B3GNT2: variants seen among roughly 807,000 people sequenced by gnomAD.
B3GNT2 encodes N-acetyllactosaminide beta-1,3-N-acetylglucosaminyltransferase 2.
Under a neutral mutation model 27.6 loss-of-function variants are expected in B3GNT2, and 12 were observed. That is an observed-to-expected ratio of 0.44 (90% CI 0.28 to 0.71). The LOEUF is 0.71. Ranked by LOEUF, B3GNT2 falls within the 30% of genes least tolerant of loss-of-function variation. The pLI is 0.17. For synonymous variants in B3GNT2, 192 were observed against 189.7 expected (o/e 1.01, Z -0.10); for missense variants, 413 against 488.5 (o/e 0.85, Z 1.46).
chr2:62,204,490 A>G (rs539523208), intron 1 of B3GNT2, among the ~76,000 whole-genome samples: 2 of 152,208 alleles, frequency 1.3e-5, no homozygotes, highest in Non-Finnish European at 2.9e-5. Flanking sequence ...TTCAGATTCA[A>G]ATATATTTGT....
intron 1 of B3GNT2, among the ~76,000 whole-genome samples, chr2:62,213,179 G>C (rs1163126997): frequency 6.6e-6 from 1 of 152,112 alleles, no homozygotes; most frequent in Non-Finnish European, 1.5e-5. Flanking sequence ...TGGGTGTGGT[G>C]GCACATCCCA....
rs534887207 is a variant in B3GNT2, at chr2:62,203,333, C to T, written c.-10+6978C>T. On this transcript the variant is annotated intron_variant, in intron 1 of 1. Transcript: ENST00000301998. ...GGAGGTTAGGAGAAGGGCCATGACA[C>T]AGGTATATTGGGGCATTTTTTAGCA... is the stretch of plus-strand genomic sequence containing the variant. Among the ~76,000 whole-genome samples, 8 of 152,198 alleles carry T rather than the reference C, an allele frequency of 5.3e-5. No individual in the cohort carries two copies. The South Asian group carries it at 1.7e-3, about 32-fold the overall frequency.
At chr2:62,209,529 C>G (rs978604327) in intron 1 of B3GNT2, among the ~76,000 whole-genome samples, 4 of 152,164 alleles carry the variant, frequency 2.6e-5, no homozygotes, top group Non-Finnish European at 5.9e-5. Context: ...GTAGTCCCAG[C>G]TACAAGCTGG....
Position 62,223,494 on chromosome 2 carries a change from C to A in B3GNT2, c.*80C>A, listed in dbSNP as rs1010695162. The A allele has an allele frequency of 1.6e-6, 2 of 1,259,642 alleles. No individual in the cohort carries two copies. Among genetic ancestry groups the A allele is most frequent in the African/African-American group, 3.0e-5 (2 of 65,960 alleles). 78.0% of individuals were successfully genotyped at this position (1,259,642 alleles called of 1,614,324 possible). A position where few individuals can be genotyped will look rare whatever the true frequency, so the allele number is the denominator to read the frequency against. On this transcript the variant is annotated 3_prime_UTR_variant, in exon 2 of 2. Coordinates refer to ENST00000301998, the MANE Select transcript of B3GNT2 (RefSeq NM_006577.6). ...TTGTGTTCTCACATTAGAGTAATTT[C>A]TATATTAAACCATGAAAATTGCCTT...
At position 62,218,952 on chromosome 2, in the gene B3GNT2, G is replaced by A. The variant is rs1221471959; in HGVS notation, c.-9-3260G>A. ...AAAAGGCTGAATTGTAGCAGATGAA[G>A]TTGGAAATCTTGCCAGGGGTCAGCA... On this transcript the variant is annotated intron_variant, in intron 1 of 1. Coordinates refer to ENST00000301998, the MANE Select transcript of B3GNT2 (RefSeq NM_006577.6). Among the ~76,000 whole-genome samples the A allele has an allele frequency of 2.6e-5, 4 of 152,218 alleles. 1 individual carries two copies. The highest frequency in any genetic ancestry group is 2.6e-4 in the Admixed American group (4 of 15,288).
rs537421463 is a variant in B3GNT2, at chr2:62,216,653, C to T, written c.-9-5559C>T. On this transcript the variant is annotated intron_variant, in intron 1 of 1. Transcript: ENST00000301998. ...TCCTGGGCTCAAGCAATCCTCTCACCCTGGCTTCCTAAAGTGTTGGGGTTA... is the reference window on the plus strand; with the variant it reads ...TCCTGGGCTCAAGCAATCCTCTCACTCTGGCTTCCTAAAGTGTTGGGGTTA... Among the ~76,000 whole-genome samples, 327 of 152,214 alleles carry T rather than the reference C, an allele frequency of 2.1e-3. 3 individuals carry two copies. The highest frequency in any genetic ancestry group is 7.5e-3 in the African/African-American group (312 of 41,512).
intron 1 of B3GNT2, among the ~76,000 whole-genome samples, chr2:62,216,704 C>T (rs1237099514): frequency 2.0e-5 from 3 of 152,130 alleles, no homozygotes; most frequent in Non-Finnish European, 1.5e-5. Flanking sequence ...GCACCCAGCC[C>T]ATAGCTTCCG....
rs1299184158 is a variant in B3GNT2 at position 62,224,692 on chromosome 2, G to A, written c.*1278G>A. The A allele has an allele frequency of 6.0e-6, 1 of 166,960 alleles. No individual in the cohort carries two copies. Among genetic ancestry groups the A allele is most frequent in the East Asian group, 1.9e-4 (1 of 5,202 alleles). The allele number at this position is 166,960 out of a possible 1,614,324, so 10.3% of individuals were successfully genotyped here. A position where few individuals can be genotyped will look rare whatever the true frequency, so the allele number is the denominator to read the frequency against. ...AAGGTTCTTATCAGATGGGATACTG[G>A]GGACTATAAACAATGGAAATAAAGC... On this transcript the variant is annotated 3_prime_UTR_variant, in exon 2 of 2. Transcript: ENST00000301998.
At position 62,222,907 on chromosome 2, in the gene B3GNT2, G is replaced by A; in HGVS notation, c.687G>A (p.Arg229=). The part of the protein sequence containing the change: ...NLSLKEVLFL[R]WVSTSCPDTE... ...CTCTGAAGGAAGTGCTGTTTCTCAG[G>A]TGGGTAAGTACTTCCTGCCCAGACA... The change falls in exon 2 of 2, where the codon AGG becomes AGA. Residue 229 remains arginine, a synonymous_variant. Coordinates refer to ENST00000301998, the MANE Select transcript of B3GNT2 (RefSeq NM_006577.6). This position sits in a 1 kb window ranked among gnomAD's most constrained non-coding sequence, Gnocchi z 4.2. 6.2e-7 allele frequency: 1 copy of A among 1,614,184 alleles called. No individual in the cohort carries two copies. Among genetic ancestry groups the A allele is most frequent in the African/African-American group, 1.3e-5 (1 of 75,030 alleles).
rs571798116 is a variant in B3GNT2 at position 62,222,163 on chromosome 2, A to T, written c.-9-49A>T. On this transcript the variant is annotated intron_variant, in intron 1 of 1. Coordinates refer to ENST00000301998, the MANE Select transcript of B3GNT2 (RefSeq NM_006577.6). The surrounding 1 kb of genome is among the most constrained non-coding windows in gnomAD (Gnocchi z 4.2). ...ACAGGTAAAATAAATTGTATGTGCAAATGCAAATTGATAAGTAATTGATAC... is the reference window on the plus strand; with the variant it reads ...ACAGGTAAAATAAATTGTATGTGCATATGCAAATTGATAAGTAATTGATAC... The T allele has an allele frequency of 2.6e-3, 3,783 of 1,472,406 alleles. 7 individuals are homozygous for T. Among genetic ancestry groups the T allele is most frequent in the Non-Finnish European group, 3.3e-3 (3,619 of 1,091,130 alleles). 91.2% of individuals were successfully genotyped at this position (1,472,406 alleles called of 1,614,324 possible). A position where few individuals can be genotyped will look rare whatever the true frequency, so the allele number is the denominator to read the frequency against.
chr2:62,203,858 A>G (rs948571648), intron 1 of B3GNT2, among the ~76,000 whole-genome samples: 4 of 152,156 alleles, frequency 2.6e-5, no homozygotes, highest in Non-Finnish European at 4.4e-5. Flanking sequence ...CTTTGTAGCT[A>G]TGGCAACCCA....
At chr2:62,211,812 T>C in intron 1 of B3GNT2, among the ~76,000 whole-genome samples, 1 of 152,194 alleles carries the variant, frequency 6.6e-6, no homozygotes, top group East Asian at 1.9e-4. Flanking sequence ...ATGTCTTGCC[T>C]GCCCTGCTTC....
chr2:62,198,904 C>T (rs540285132), intron 1 of B3GNT2, among the ~76,000 whole-genome samples: 13 of 152,118 alleles, frequency 8.5e-5, no homozygotes, highest in African/African-American at 2.7e-4. Context: ...AAAGGTGAAT[C>T]TTCTGTTTCT....
At chr2:62,210,155 A>G (rs1293601671) in intron 1 of B3GNT2, among the ~76,000 whole-genome samples, 3 of 152,296 alleles carry the variant, frequency 2.0e-5, no homozygotes, top group South Asian at 4.1e-4. Context: ...TAATTTTGGT[A>G]CCTTAATTTT....
chr2:62,215,380 AC>A (rs1303348904), intron 1 of B3GNT2: 2 of 152,046 alleles, frequency 1.3e-5, no homozygotes, highest in Non-Finnish European at 2.9e-5. Flanking sequence ...CCCGGTGAAA[AC>A]CCAGGCCAGG....
chr2:62,202,944 C>G (rs572467050), intron 1 of B3GNT2, among the ~76,000 whole-genome samples: 2 of 152,274 alleles, frequency 1.3e-5, no homozygotes, highest in East Asian at 3.9e-4. Context: ...GACTGCTCCC[C>G]CTGCCTGGAA....
chr2:62,211,855 G>A (rs1674487806), intron 1 of B3GNT2, among the ~76,000 whole-genome samples: 1 of 152,208 alleles, frequency 6.6e-6, no homozygotes, highest in African/African-American at 2.4e-5. Context: ...CCTGTTGGAA[G>A]CCCCACTAAG....
Position 62,222,553 on chromosome 2 carries a change from C to T in B3GNT2, c.333C>T (p.Asn111=), listed in dbSNP as rs1186928207. ...CGTCGGTGGTTACGGGTTTTAACAA[C>T]TTGCCGGACAGATTTAAAGACTTTC... is the stretch of plus-strand genomic sequence containing the variant. ...RVTSVVTGFN[N]LPDRFKDFLL... is the part of the protein sequence containing the mutation. Residue 111 remains asparagine, a synonymous_variant, in exon 2 of 2, where the codon AAC becomes AAT. Transcript: ENST00000301998. This position sits in a 1 kb window ranked among gnomAD's most constrained non-coding sequence, Gnocchi z 4.2. The T allele has an allele frequency of 1.2e-6, 2 of 1,614,052 alleles. No homozygotes were observed. The highest frequency in any genetic ancestry group is 1.7e-6 in the Non-Finnish European group (2 of 1,180,036).
intron 1 of B3GNT2, among the ~76,000 whole-genome samples, chr2:62,215,314 T>G (rs1674552186): frequency 6.6e-6 from 1 of 152,232 alleles, no homozygotes; most frequent in South Asian, 2.1e-4. Flanking sequence ...ACCATCATCT[T>G]AGCTGAGTGC....
Sources: gnomAD v4.1 joint callset for allele counts (sites outside exome capture counted in the v4.1 genomes callset) on GRCh38, gnomAD v4.1.1 for gene constraint, Gnocchi (gnomAD v3.1) non-coding constraint, MANE v1.5 for transcripts, NCBI Gene and HGNC (gene_info 2026-07-23, HGNC 2026-07-21) for gene names.